NSA2: variants seen among roughly 807,000 people sequenced by gnomAD.
The protein encoded by NSA2 is NSA2 ribosome biogenesis factor.
A neutral mutation model predicts 34.8 loss-of-function variants in NSA2; 18 were observed. The ratio of observed to expected loss-of-function variants is 0.52; its 90% CI spans 0.36 to 0.77. The LOEUF is 0.77. Among genes scored for constraint, NSA2 ranks in the 30% least tolerant of loss-of-function variants. The pLI is 0.00. For synonymous variants in NSA2, 79 were observed against 100.2 expected (o/e 0.79, Z 1.26); for missense variants, 188 against 314.7 (o/e 0.60, Z 3.05).
intron 1 of NSA2, 62 bp from the exon 2 acceptor site, chr5:74,768,869 G>C: frequency 8.3e-7 from 1 of 1,201,042 alleles, no homozygotes; most frequent in African/African-American, 1.6e-5. Context: ...GTAAAAGAAA[G>C]CATTTTAGAA....
intron 5 of NSA2, among the ~76,000 whole-genome samples, chr5:74,776,223 G>A (rs1467944898): frequency 6.6e-6 from 1 of 152,130 alleles, no homozygotes; most frequent in African/African-American, 2.4e-5. Flanking sequence ...GGCATGGCTG[G>A]GCGCAGTGGC....
intron 1 of NSA2, among the ~76,000 whole-genome samples, chr5:74,768,650 G>A (rs571769014): frequency 6.6e-6 from 1 of 152,262 alleles, no homozygotes; most frequent in South Asian, 2.1e-4. Context: ...AGCAAATTAT[G>A]TCAAGGAAAA....
chr5:74,779,143 A>AT lies in NSA2; in HGVS notation c.*2475dup, dbSNP rs1745280758. 6.6e-6 allele frequency: 1 copy of AT among 152,128 alleles called. No individual in the cohort carries two copies. The highest frequency in any genetic ancestry group is 1.5e-5 in the Non-Finnish European group (1 of 67,964). The allele number at this position is 152,128 out of a possible 1,614,324, so 9.4% of individuals were successfully genotyped here. On this transcript the variant is annotated 3_prime_UTR_variant, in exon 6 of 6. Transcript: ENST00000610426. ...CTAAATTGTTTACAATTCACTTACT[A>AT]TTTAACCCAAACAAGTTTAACAAGA...
intron 4 of NSA2, chr5:74,771,669 A>T (rs899462327): frequency 5.3e-5 from 8 of 151,786 alleles, no homozygotes; most frequent in African/African-American, 1.9e-4. Flanking sequence ...AACACTGTGA[A>T]ACCCCATCTC....
At chr5:74,767,881 G>A (rs1361501821) in intron 1 of NSA2, among the ~76,000 whole-genome samples, 1 of 152,180 alleles carries the variant, frequency 6.6e-6, no homozygotes, top group Non-Finnish European at 1.5e-5. Flanking sequence ...TTTGCAAAAT[G>A]GCATTCCATA....
At chr5:74,776,275 G>A (rs1745116012) in intron 5 of NSA2, among the ~76,000 whole-genome samples, 2 of 152,086 alleles carry the variant, frequency 1.3e-5, no homozygotes, top group Non-Finnish European at 2.9e-5. Context: ...CAAGGCAGGC[G>A]GATCATTTGA....
rs1255351112 is a variant in NSA2, at chr5:74,769,070, A to C, written c.143A>C (p.Lys48Thr). ...AAGAAAATGATTGGTCTGAAGGCTA[A>C]GCTTTACCATAAACAGCGTCATGCT... ...KAKKMIGLKA[K>T]LYHKQRHAEK... is the part of the protein sequence containing the mutation. The change falls in exon 2 of 6, where the codon AAG becomes ACG. Residue 48 changes from lysine (K) to threonine (T), a missense_variant. Coordinates refer to ENST00000610426, the MANE Select transcript of NSA2 (RefSeq NM_014886.6). The C allele has an allele frequency of 6.2e-7, 1 of 1,612,328 alleles. No individual in the cohort carries two copies. Among genetic ancestry groups the C allele is most frequent in the Non-Finnish European group, 8.5e-7 (1 of 1,179,710 alleles).
chr5:74,769,141 C>T, intron 2 of NSA2, 23 bp downstream of exon 2: 1 of 1,596,034 alleles, frequency 6.3e-7, no homozygotes, highest in South Asian at 1.1e-5. Context: ...ATTTATTTGT[C>T]ATAACAAGTT....
In NSA2 at chr5:74,778,174, G is replaced by C. The variant is rs1745217537; in HGVS notation, c.*1503G>C. Reference sequence around the variant, plus strand: ...AGGTACAAAGAAAGCTTGATATTAAGTATGAAAACATAAGCATAACATTTG... The same window carrying C: ...AGGTACAAAGAAAGCTTGATATTAACTATGAAAACATAAGCATAACATTTG... On this transcript the variant is annotated 3_prime_UTR_variant, in exon 6 of 6. Coordinates refer to ENST00000610426, the MANE Select transcript of NSA2 (RefSeq NM_014886.6). 6.6e-6 allele frequency: 1 copy of C among 151,970 alleles called. No individual in the cohort carries two copies. The highest frequency in any genetic ancestry group is 6.6e-5 in the Admixed American group (1 of 15,256). The allele number at this position is 151,970 out of a possible 1,614,324, so 9.4% of individuals were successfully genotyped here.
rs1401431509 is a variant in NSA2, at chr5:74,778,577, A to AG, written c.*1906_*1907insG. On this transcript the variant is annotated 3_prime_UTR_variant, in exon 6 of 6. Coordinates refer to ENST00000610426, the MANE Select transcript of NSA2 (RefSeq NM_014886.6). ...TTTTAAGTAGAAGACTGACGTTCTA[A>AG]ATCATGCTGTTTGATTTTATAAAAA... is the stretch of plus-strand genomic sequence containing the variant. 2 of 141,160 alleles carry AG rather than the reference A, an allele frequency of 1.4e-5. No individual in the cohort carries two copies. Among genetic ancestry groups the AG allele is most frequent in the Non-Finnish European group, 3.0e-5 (2 of 66,832 alleles). The allele number at this position is 141,160 out of a possible 1,614,324, so 8.7% of individuals were successfully genotyped here. A position where few individuals can be genotyped will look rare whatever the true frequency, so the allele number is the denominator to read the frequency against.
intron 5 of NSA2, 105 bp downstream of exon 5, chr5:74,774,165 G>A (rs896282290): frequency 4.3e-6 from 3 of 698,906 alleles, no homozygotes; most frequent in South Asian, 4.5e-5. Flanking sequence ...TTTTAATGCA[G>A]TAGAGCTAAA....
rs762256283 is a variant in NSA2 at position 74,769,253 on chromosome 5, T to C, written c.231T>C (p.Asn77=). ...MHEKRNTKQK[N]DEKTPQGAVP... The stretch of plus-strand genomic sequence containing the variant: ...AAAAGAGAAACACCAAACAAAAGAA[T>C]GATGAAAAGACACCACAGGGAGCAG... Residue 77 remains asparagine, a synonymous_variant, in exon 3 of 6, where the codon AAT becomes AAC. Coordinates refer to ENST00000610426, the MANE Select transcript of NSA2 (RefSeq NM_014886.6). 1 of 1,610,764 alleles carries C rather than the reference T, an allele frequency of 6.2e-7. No homozygotes were observed. The highest frequency in any genetic ancestry group is 8.5e-7 in the Non-Finnish European group (1 of 1,179,248).
chr5:74,769,686 A>C (rs1416604579), intron 3 of NSA2: 2 of 183,304 alleles, frequency 1.1e-5, no homozygotes, highest in African/African-American at 2.3e-5. Flanking sequence ...AATGCTTCTT[A>C]TTTGTGCTGC....
intron 1 of NSA2, among the ~76,000 whole-genome samples, chr5:74,768,523 A>G (rs1276436675): frequency 6.6e-6 from 1 of 152,228 alleles, no homozygotes; most frequent in Non-Finnish European, 1.5e-5. Context: ...AGAACTGTGT[A>G]GTTAGGAAAA....
At chr5:74,775,894 AGTCATTGGTT>A (rs1379600507) in intron 5 of NSA2, among the ~76,000 whole-genome samples, 1 of 152,186 alleles carries the variant, frequency 6.6e-6, no homozygotes, top group African/African-American at 2.4e-5. Flanking sequence ...CAACTTCTTC[AGTCATTGGTT>A]TATACTTCAT....
In NSA2 at chr5:74,772,017, CAA is replaced by C. The variant is rs148022994; in HGVS notation, c.522+1209_522+1210del. Among the ~76,000 whole-genome samples the C allele has an allele frequency of 3.0e-3, 452 of 151,926 alleles. 1 individual carries two copies. Among genetic ancestry groups the C allele is most frequent in the African/African-American group, 0.011 (437 of 41,434 alleles). On this transcript the variant is annotated intron_variant, in intron 4 of 5. Transcript: ENST00000610426. ...AAGATATATTTTTGCAAAATCCCTTCAAAGAGACTGAACTATTCTCCCAGTTA... is the reference window on the plus strand; with the variant it reads ...AAGATATATTTTTGCAAAATCCCTTCAGAGACTGAACTATTCTCCCAGTTA...
Position 74,769,121 on chromosome 5 carries a change from A to C in NSA2, c.191+3A>C. On this transcript the variant is annotated splice_donor_region_variant and intron_variant, in intron 2 of 5. Transcript: ENST00000610426. ...GAGAAAATACAAATGAAAAAGACGT[A>C]AGTGGTCTCATTTATTTGTCATAAC... is the stretch of plus-strand genomic sequence containing the variant. 3 of 1,602,238 alleles carry C rather than the reference A, an allele frequency of 1.9e-6. No homozygotes were observed. The South Asian group carries it at 3.4e-5, about 18-fold the overall frequency.
chr5:74,768,341 A>C (rs543999786), intron 1 of NSA2, among the ~76,000 whole-genome samples: 1 of 152,368 alleles, frequency 6.6e-6, no homozygotes, highest in East Asian at 1.9e-4. Context: ...AAAAGCAAGA[A>C]ACCAGATTCA....
chr5:74,767,385 C>T, intron 1 of NSA2, 22 bp downstream of exon 1: 1 of 1,612,408 alleles, frequency 6.2e-7, no homozygotes, highest in Non-Finnish European at 8.5e-7. Flanking sequence ...GCCTCGGACG[C>T]TCGCGACACA....
Sources: gnomAD v4.1 joint callset for allele counts (sites outside exome capture counted in the v4.1 genomes callset) on GRCh38, gnomAD v4.1.1 for gene constraint, MANE v1.5 for transcripts, NCBI Gene and HGNC (gene_info 2026-07-23, HGNC 2026-07-21) for gene names.